Variants in GTF3C1 observed in about 807,000 individuals in gnomAD.
GTF3C1 encodes general transcription factor 3C polypeptide 1.
A neutral mutation model predicts 226.7 loss-of-function variants in GTF3C1; 57 were observed. The ratio of observed to expected loss-of-function variants is 0.25; its 90% confidence interval spans 0.20 to 0.31. The LOEUF (loss-of-function observed/expected upper bound fraction) is 0.31, where lower values mean the gene tolerates loss of function less well. GTF3C1 is among the 10% of genes least tolerant of loss of function. The probability of loss-of-function intolerance (pLI) is 1.00; values close to 1 mark genes in which losing one functional copy is unlikely to be tolerated. For missense variants in GTF3C1, 2,217 were observed against 2,776.1 expected (o/e 0.80, Z 4.53); for synonymous variants, 1,090 against 1,084.8 (o/e 1.00, Z -0.09).
chr16:27,488,923 G>T, intron 21 of GTF3C1, 120 bp downstream of exon 21: 3 of 916,706 alleles, frequency 3.3e-6, no homozygotes, highest in Non-Finnish European at 5.3e-6. Flanking sequence ...CATTTAAGGG[G>T]CCTGACGCAC....
chr16:27,516,848 G>A lies in GTF3C1; in HGVS notation c.974-4947C>T, dbSNP rs2088666583. 2.6e-5 allele frequency among the ~76,000 whole-genome samples: 4 copies of A among 152,140 alleles called. No individual in the cohort carries two copies. In the South Asian group the frequency reaches 8.3e-4, roughly 31 times the overall value. On this transcript the variant is annotated intron_variant, in intron 6 of 36. Coordinates refer to ENST00000356183, the MANE Select transcript of GTF3C1 (RefSeq NM_001520.4). The stretch of plus-strand genomic sequence containing the variant: ...GGATCTTGCTATGTCACCTAGGCTG[G>A]TCTAGAACTTCTGGCCTCAAGTGAC...
Position 27,470,115 on chromosome 16 carries a change from T to A in GTF3C1, c.4807A>T (p.Ile1603Phe). ...VDSSMVENEV[I>F]KSLGKDGSLE... The stretch of plus-strand genomic sequence containing the variant: ...CGGATGCCGGACTCTTACCTTTTGA[T>A]GACCTCATTCTCCACCATTGAGCTG... Residue 1603 changes from isoleucine (I) to phenylalanine (F), a missense_variant, in exon 31 of 37, where the codon ATC becomes TTC. By Grantham distance (21) the Ile-to-Phe change is conservative. Around this residue, in one of 12 missense-constraint regions of GTF3C1, gnomAD observed 546 missense variants for 663.0 expected, o/e 0.82. Coordinates refer to ENST00000356183, the MANE Select transcript of GTF3C1 (RefSeq NM_001520.4). This position sits in a 1 kb window ranked among gnomAD's most constrained non-coding sequence, Gnocchi z 4.9. The A allele has an allele frequency of 6.2e-7, 1 of 1,612,330 alleles. No homozygotes were observed. Among genetic ancestry groups the A allele is most frequent in the Non-Finnish European group, 8.5e-7 (1 of 1,178,800 alleles).
Position 27,461,619 on chromosome 16 carries a change from T to A in GTF3C1, c.6118-57A>T. ...CACTGCCCTCGCCTGCTTGTTGATT[T>A]ATTCTTCAAGCATTTATGGAATGCC... On this transcript the variant is annotated intron_variant, in intron 36 of 36. Coordinates refer to ENST00000356183, the MANE Select transcript of GTF3C1 (RefSeq NM_001520.4). This position sits in a 1 kb window ranked among gnomAD's most constrained non-coding sequence, Gnocchi z 5.3. 3.0e-6 allele frequency: 4 copies of A among 1,312,108 alleles called. No homozygotes were observed. Among genetic ancestry groups the A allele is most frequent in the South Asian group, 1.2e-5 (1 of 84,030 alleles). 81.3% of individuals were successfully genotyped at this position (1,312,108 alleles called of 1,614,324 possible).
At chr16:27,546,408 C>T (rs2089162772) in intron 1 of GTF3C1, among the ~76,000 whole-genome samples, 1 of 149,816 alleles carries the variant, frequency 6.7e-6, no homozygotes, top group East Asian at 2.0e-4. Flanking sequence ...CCATGTGCCT[C>T]TTACAACACC....
intron 32 of GTF3C1, 162 bp from the exon 33 acceptor site, chr16:27,465,702 A>G: frequency 1.6e-6 from 1 of 617,428 alleles, no homozygotes; most frequent in Admixed American, 2.9e-5. Flanking sequence ...GGCCCCTGGC[A>G]GTCAGGCTCC....
chr16:27,462,317 C>T lies in GTF3C1; in HGVS notation c.6094G>A (p.Val2032Ile), dbSNP rs773641688. ...LRHYQGVLQP[V>I]AVLELLQGLE... Reference sequence around the variant, plus strand: ...ACCTGGAGCAACTCCAGCACGGCGACGGGCTGCAGGACCCCCTGGTAGTGG... The same window carrying T: ...ACCTGGAGCAACTCCAGCACGGCGATGGGCTGCAGGACCCCCTGGTAGTGG... Residue 2032 changes from valine (V) to isoleucine (I), a missense_variant, in exon 36 of 37, where the codon GTC (valine) becomes ATC (isoleucine). This residue lies in a region of GTF3C1 where 153 missense variants were observed against 199.8 expected (regional missense o/e 0.77). Coordinates refer to ENST00000356183, the MANE Select transcript of GTF3C1 (RefSeq NM_001520.4). This position sits in a 1 kb window ranked among gnomAD's most constrained non-coding sequence, Gnocchi z 4.5. 1.7e-5 allele frequency: 27 copies of T among 1,557,604 alleles called. No individual in the cohort carries two copies. The highest frequency in any genetic ancestry group is 2.4e-5 in the East Asian group (1 of 41,374).
chr16:27,494,394 CTG>C (rs2088280627), intron 16 of GTF3C1, among the ~76,000 whole-genome samples: 1 of 146,182 alleles, frequency 6.8e-6, no homozygotes, highest in African/African-American at 2.5e-5. Context: ...GAGCAAGACT[CTG>C]TCTCATAAAA....
At chr16:27,464,245 G>A (rs1260212957) in intron 34 of GTF3C1, 75 bp downstream of exon 34, 2 of 932,026 alleles carry the variant, frequency 2.1e-6, no homozygotes, top group Admixed American at 3.8e-5. Flanking sequence ...GGAGGAAGGT[G>A]TGAGGCCCAT....
intron 10 of GTF3C1, 138 bp downstream of exon 10, chr16:27,505,761 G>A (rs535496585): frequency 3.2e-4 from 203 of 631,498 alleles, no homozygotes; most frequent in Non-Finnish European, 5.2e-4. Flanking sequence ...GCTACTGCCT[G>A]GGAAGCACAG....
At chr16:27,548,665 T>A (rs909048610) in intron 1 of GTF3C1, among the ~76,000 whole-genome samples, 1 of 152,174 alleles carries the variant, frequency 6.6e-6, no homozygotes, top group Non-Finnish European at 1.5e-5. Context: ...CAATTCTTAG[T>A]CACTTATTGC....
chr16:27,547,060 T>C (rs1360961903), intron 1 of GTF3C1, among the ~76,000 whole-genome samples: 1 of 152,092 alleles, frequency 6.6e-6, no homozygotes, highest in Non-Finnish European at 1.5e-5. Context: ...CGTTCTTAAA[T>C]GATCCTGTCT....
At chr16:27,490,205 T>C (rs777536777) in intron 19 of GTF3C1, among the ~76,000 whole-genome samples, 1 of 152,226 alleles carries the variant, frequency 6.6e-6, no homozygotes, top group Admixed American at 6.5e-5. Context: ...GCAGCAGGCC[T>C]GGGCCCCACC....
At chr16:27,494,968 A>G (rs367739545) in intron 15 of GTF3C1, 60 bp from the exon 16 acceptor site, 2 of 1,458,710 alleles carry the variant, frequency 1.4e-6, no homozygotes, top group Non-Finnish European at 1.9e-6. Flanking sequence ...ATGGTGACAC[A>G]TGGTAACGTC....
chr16:27,461,613 T>A lies in GTF3C1; in HGVS notation c.6118-51A>T. The A allele has an allele frequency of 1.5e-6, 2 of 1,347,400 alleles. No homozygotes were observed. The highest frequency in any genetic ancestry group is 1.2e-5 in the South Asian group (1 of 85,192). The allele number at this position is 1,347,400 out of a possible 1,614,324, so 83.5% of individuals were successfully genotyped here. A position where few individuals can be genotyped will look rare whatever the true frequency, so the allele number is the denominator to read the frequency against. On this transcript the variant is annotated intron_variant, in intron 36 of 36. Coordinates refer to ENST00000356183, the MANE Select transcript of GTF3C1 (RefSeq NM_001520.4). This position sits in a 1 kb window ranked among gnomAD's most constrained non-coding sequence, Gnocchi z 5.3. ...CAGCGGCACTGCCCTCGCCTGCTTG[T>A]TGATTTATTCTTCAAGCATTTATGG...
At chr16:27,525,342 T>C (rs532800947) in intron 6 of GTF3C1, among the ~76,000 whole-genome samples, 73 of 152,314 alleles carry the variant, frequency 4.8e-4, no homozygotes, top group African/African-American at 1.7e-3. Flanking sequence ...GCTACCACAC[T>C]TTTCCTCAAG....
At chr16:27,502,744 C>T in intron 11 of GTF3C1, 115 bp downstream of exon 11, 1 of 1,070,518 alleles carries the variant, frequency 9.3e-7, no homozygotes, top group Non-Finnish European at 1.4e-6. Context: ...AGAATCTACA[C>T]AGTGGGACAG....
At chr16:27,511,455 T>C (rs765017129) in intron 7 of GTF3C1, among the ~76,000 whole-genome samples, 1 of 152,204 alleles carries the variant, frequency 6.6e-6, no homozygotes, top group Non-Finnish European at 1.5e-5. Context: ...CTCCCTCTTA[T>C]ATATCTATGT....
chr16:27,494,946 A>G, intron 15 of GTF3C1, 38 bp from the exon 16 acceptor site: 1 of 1,593,844 alleles, frequency 6.3e-7, no homozygotes, highest in Non-Finnish European at 8.6e-7. Flanking sequence ...GGCAGCCAGG[A>G]TACCAGTCAC....
chr16:27,480,879 A>C, intron 27 of GTF3C1, 200 bp downstream of exon 27: 2 of 550,198 alleles, frequency 3.6e-6, no homozygotes, highest in Middle Eastern at 4.8e-4. Flanking sequence ...TGGGAGAATG[A>C]ACATAAATGC....
Sources: allele counts gnomAD v4.1 joint callset (sites outside exome capture counted in the v4.1 genomes callset), GRCh38; gene constraint gnomAD v4.1.1; regional missense constraint gnomAD v4.1.1; non-coding constraint Gnocchi (gnomAD v3.1); transcripts MANE v1.5; gene names NCBI Gene and HGNC (gene_info 2026-07-23, HGNC 2026-07-21).